Variants in ASTN2 observed in about 807,000 individuals in gnomAD.
ASTN2 encodes astrotactin 2.
A neutral mutation model predicts 139.8 loss-of-function variants in ASTN2; 54 were observed. The observed-to-expected ratio is 0.39, with a 90% confidence interval of 0.31 to 0.48. ASTN2 has a LOEUF of 0.48. ASTN2 is among the 20% of genes least tolerant of loss of function. The pLI, the probability that ASTN2 is intolerant of heterozygous loss-of-function variation, is 0.95. For synonymous variants in ASTN2, 756 were observed against 719.5 expected (o/e 1.05, Z -0.81); for missense variants, 1,565 against 1,725.1 (o/e 0.91, Z 1.64).
intron 5 of ASTN2, among the ~76,000 whole-genome samples, chr9:117,077,035 A>G (rs1053278463): frequency 6.6e-6 from 1 of 152,158 alleles, no homozygotes; most frequent in Non-Finnish European, 1.5e-5. Context: ...AAATTTCACT[A>G]ATCGCCCGGC....
chr9:117,237,255 A>G (rs1833073173), intron 2 of ASTN2, among the ~76,000 whole-genome samples: 1 of 151,718 alleles, frequency 6.6e-6, no homozygotes, highest in African/African-American at 2.4e-5. Context: ...ATTTTTTTTT[A>G]TAGGTAAGGA....
chr9:116,709,331 A>G (rs958212351), intron 16 of ASTN2, among the ~76,000 whole-genome samples: 8 of 152,218 alleles, frequency 5.3e-5, no homozygotes, highest in African/African-American at 1.9e-4. Context: ...CTTGCAATCA[A>G]CAGAGTGAAG....
chr9:116,743,173 C>G (rs1329352720), intron 13 of ASTN2, among the ~76,000 whole-genome samples: 2 of 152,088 alleles, frequency 1.3e-5, no homozygotes, highest in African/African-American at 2.4e-5. Context: ...GAGAATGCAA[C>G]TGAGGCAAGA....
intron 1 of ASTN2, among the ~76,000 whole-genome samples, chr9:117,304,540 G>T (rs1236149432): frequency 3.3e-5 from 5 of 152,134 alleles, no homozygotes; most frequent in Non-Finnish European, 7.4e-5. Context: ...ATTTCCCTCA[G>T]CCCCTCCTCC....
intron 8 of ASTN2, 125 bp downstream of exon 8, chr9:116,976,576 C>T: frequency 1.3e-6 from 1 of 769,888 alleles, no homozygotes; most frequent in African/African-American, 1.7e-5. Context: ...TTGGGTTTTG[C>T]AGGAACACTA....
chr9:117,151,262 AT>A (rs1830320986), intron 3 of ASTN2, among the ~76,000 whole-genome samples: 1 of 152,176 alleles, frequency 6.6e-6, no homozygotes, highest in African/African-American at 2.4e-5. Flanking sequence ...GTGGAATCCA[AT>A]AATCCAATGA....
chr9:116,863,807 C>A (rs1832954312), intron 10 of ASTN2, 74 bp from the exon 11 acceptor site: 4 of 1,413,768 alleles, frequency 2.8e-6, no homozygotes, highest in East Asian at 4.8e-5. Context: ...AATGTGAATT[C>A]ATTACATTTG....
chr9:117,115,504 C>T (rs1829361177), intron 4 of ASTN2, among the ~76,000 whole-genome samples: 2 of 152,108 alleles, frequency 1.3e-5, no homozygotes, highest in African/African-American at 4.8e-5. Context: ...GCCTGGGCGA[C>T]AGAGTGAGAC....
chr9:117,159,178 T>A (rs1332204357), intron 3 of ASTN2, among the ~76,000 whole-genome samples: 2 of 152,076 alleles, frequency 1.3e-5, no homozygotes, highest in African/African-American at 4.8e-5. Flanking sequence ...TTTCCAATTA[T>A]GACCACTATC....
At chr9:117,178,643 C>T (rs1373919251) in intron 3 of ASTN2, among the ~76,000 whole-genome samples, 2 of 152,186 alleles carry the variant, frequency 1.3e-5, no homozygotes, top group Non-Finnish European at 2.9e-5. Context: ...TCTCTGCTGG[C>T]AGGAAAAGTG....
At chr9:116,829,500 T>C (rs4837925) in intron 11 of ASTN2, among the ~76,000 whole-genome samples, 120,642 of 151,930 alleles carry the variant, frequency 0.79, 48,086 homozygotes, top group East Asian at 0.91. Flanking sequence ...TTAATTGGCT[T>C]ATGGTTTCAG....
rs375997327 is a variant in ASTN2 at position 117,139,972 on chromosome 9, C to A, written c.1168+1354G>T. Among the ~76,000 whole-genome samples, 117 of 152,254 alleles carry A rather than the reference C, an allele frequency of 7.7e-4. 1 individual carries two copies. In the South Asian group the frequency reaches 0.024, roughly 31 times the overall value. On this transcript the variant is annotated intron_variant, in intron 4 of 22. Transcript: ENST00000313400. The stretch of plus-strand genomic sequence containing the variant: ...TTAAAAGGTTTGAGACTCAGACTGC[C>A]AGGTTCTCCCTGGCCCCACCACTTA...
intron 10 of ASTN2, among the ~76,000 whole-genome samples, chr9:116,944,174 G>T (rs936083670): frequency 6.6e-6 from 1 of 151,918 alleles, no homozygotes; most frequent in Non-Finnish European, 1.5e-5. Context: ...TAAGCAAAAT[G>T]CCCAGCGTCT....
At chr9:117,236,360 AGGCTTCATCCCTG>A (rs1442925582) in intron 2 of ASTN2, among the ~76,000 whole-genome samples, 2 of 152,206 alleles carry the variant, frequency 1.3e-5, no homozygotes, top group African/African-American at 4.8e-5. Context: ...GAGGTCCCAA[AGGCTTCATCCCTG>A]GGCCAGAGGG....
intron 19 of ASTN2, among the ~76,000 whole-genome samples, chr9:116,512,251 C>T (rs1386587011): frequency 5.3e-5 from 8 of 152,126 alleles, no homozygotes. Flanking sequence ...GCCTTCATTT[C>T]GTTATGTACC....
At chr9:116,626,766 G>A (rs536258259) in intron 17 of ASTN2, among the ~76,000 whole-genome samples, 3 of 152,180 alleles carry the variant, frequency 2.0e-5, no homozygotes, top group Non-Finnish European at 4.4e-5. Flanking sequence ...TAAGCATGGT[G>A]CGCCCATGCT....
At chr9:116,905,606 G>A (rs1032028456) in intron 10 of ASTN2, among the ~76,000 whole-genome samples, 5 of 152,152 alleles carry the variant, frequency 3.3e-5, no homozygotes, top group African/African-American at 4.8e-5. Flanking sequence ...CCCAGGGCAA[G>A]AGAACAAATT....
At chr9:117,270,573 T>C (rs1313025781) in intron 2 of ASTN2, among the ~76,000 whole-genome samples, 2 of 152,196 alleles carry the variant, frequency 1.3e-5, no homozygotes, top group Non-Finnish European at 2.9e-5. Flanking sequence ...AACCTTTCAA[T>C]TATCCCCAAG....
chr9:116,870,996 C>T (rs559533574), intron 10 of ASTN2, among the ~76,000 whole-genome samples: 16 of 152,286 alleles, frequency 1.1e-4, no homozygotes, highest in African/African-American at 3.1e-4. Context: ...CGGTGCCTCA[C>T]GCCTGTAATC....
Sources: gnomAD v4.1 joint callset for allele counts (sites outside exome capture counted in the v4.1 genomes callset) on GRCh38, gnomAD v4.1.1 for gene constraint, MANE v1.5 for transcripts, NCBI Gene and HGNC (gene_info 2026-07-23, HGNC 2026-07-21) for gene names.